The following CSMD1 variants were observed in gnomAD, a reference collection of about 807,000 sequenced individuals.
The protein encoded by CSMD1 is CUB and sushi domain-containing protein 1.
CSMD1 carries 213 observed loss-of-function variants against 417.5 expected under a neutral mutation model. That is an observed-to-expected ratio of 0.51 (90% CI 0.46 to 0.57). CSMD1 has a LOEUF of 0.57. Ranked by LOEUF, CSMD1 falls within the 20% of genes least tolerant of loss-of-function variation. CSMD1 has a pLI of 0.00. For synonymous variants in CSMD1, 2,862 were observed against 1,736.8 expected, an observed-to-expected ratio of 1.65 and a Z score of -16.11; for missense variants, 6,923 against 4,529.7, an observed-to-expected ratio of 1.53 and a Z score of -15.17.
intron 2 of CSMD1, among the ~76,000 whole-genome samples, chr8:4,549,931 G>C (rs1237002238): frequency 4.3e-5 from 5 of 115,582 alleles, no homozygotes; most frequent in African/African-American, 1.6e-4. Context: ...GAAAAGAAAA[G>C]ACATTACTTA....
chr8:4,338,684 A>G (rs1800309572), intron 3 of CSMD1, among the ~76,000 whole-genome samples: 1 of 152,114 alleles, frequency 6.6e-6, no homozygotes, highest in Admixed American at 6.6e-5. Flanking sequence ...AGAAGCCACA[A>G]TTCCATAGTT....
At position 3,376,901 on chromosome 8, in the gene CSMD1, T is replaced by G. The variant is rs569691809; in HGVS notation, c.2783-7531A>C. Among the ~76,000 whole-genome samples the G allele has an allele frequency of 2.6e-5, 4 of 152,284 alleles. No individual in the cohort carries two copies. In the East Asian group the frequency reaches 5.8e-4, roughly 22 times the overall value. On this transcript the variant is annotated intron_variant, in intron 18 of 69. Coordinates refer to ENST00000635120, the MANE Select transcript of CSMD1 (RefSeq NM_033225.6). Reference sequence around the variant, plus strand: ...TGGGGTTTAAGAGATTGCTTAAGATTTGAAGGGTAATGAGAACAAGCCTTA... The same window carrying G: ...TGGGGTTTAAGAGATTGCTTAAGATGTGAAGGGTAATGAGAACAAGCCTTA...
chr8:4,115,347 T>C (rs1359790181), intron 3 of CSMD1, among the ~76,000 whole-genome samples: 1 of 152,242 alleles, frequency 6.6e-6, no homozygotes, highest in Non-Finnish European at 1.5e-5. Flanking sequence ...GACATAATAC[T>C]GTTGCATAAA....
At chr8:3,209,571 G>A (rs192571501) in intron 30 of CSMD1, among the ~76,000 whole-genome samples, 53 of 152,032 alleles carry the variant, frequency 3.5e-4, no homozygotes, top group Middle Eastern at 3.4e-3. Flanking sequence ...CGCCTGCCTC[G>A]GCCTCCCAAA....
intron 5 of CSMD1, among the ~76,000 whole-genome samples, chr8:3,781,468 G>C (rs1799177178): frequency 6.6e-6 from 1 of 150,994 alleles, no homozygotes; most frequent in Non-Finnish European, 1.5e-5. Flanking sequence ...GGTTAAGGGA[G>C]CTGCTGATAG....
At chr8:3,566,659 TAAG>T (rs1255556518) in intron 10 of CSMD1, among the ~76,000 whole-genome samples, 2 of 152,048 alleles carry the variant, frequency 1.3e-5, no homozygotes, top group African/African-American at 4.8e-5. Context: ...TACATTCAGC[TAAG>T]AAGCATATTA....
At chr8:4,400,924 T>A (rs1804603327) in intron 3 of CSMD1, among the ~76,000 whole-genome samples, 3 of 150,542 alleles carry the variant, frequency 2.0e-5, no homozygotes, top group Admixed American at 6.6e-5. Flanking sequence ...CTCAGTACAA[T>A]ACCAACTTCA....
intron 2 of CSMD1, among the ~76,000 whole-genome samples, chr8:4,606,251 A>G (rs182548079): frequency 6.6e-6 from 1 of 152,318 alleles, no homozygotes; most frequent in East Asian, 1.9e-4. Context: ...TCAGTTAGAA[A>G]TAAAACCTAA....
intron 5 of CSMD1, among the ~76,000 whole-genome samples, chr8:3,783,214 G>C (rs556315639): frequency 6.6e-6 from 1 of 152,244 alleles, no homozygotes; most frequent in African/African-American, 2.4e-5. Flanking sequence ...CTTGTTCCTG[G>C]ATAGCAGTGC....
At position 3,412,031 on chromosome 8, in the gene CSMD1, TATACACATATATAC is replaced by T. The variant is rs1272070532; in HGVS notation, c.1562-2440_1562-2427del. On this transcript the variant is annotated intron_variant, in intron 12 of 69. Transcript: ENST00000635120. ...ATATATATACATATACACACGTATA[TATACACATATATAC>T]ACGTATATATACACACGTATATATA... is the stretch of plus-strand genomic sequence containing the variant. Among the ~76,000 whole-genome samples, 197 of 69,220 alleles carry T rather than the reference TATACACATATATAC, an allele frequency of 2.8e-3. 46 individuals carry two copies. The highest frequency in any genetic ancestry group is 8.6e-3 in the South Asian group (18 of 2,094). 45.4% of individuals were successfully genotyped at this position (69,220 alleles called of 152,430 possible).
chr8:4,090,977 G>A (rs575968567), intron 3 of CSMD1, among the ~76,000 whole-genome samples: 75 of 151,204 alleles, frequency 5.0e-4, no homozygotes, highest in African/African-American at 1.4e-3. Context: ...GGAGTGCAGC[G>A]GTGCAATCCT....
intron 2 of CSMD1, among the ~76,000 whole-genome samples, chr8:4,482,469 C>T (rs969360866): frequency 3.9e-5 from 6 of 152,124 alleles, no homozygotes; most frequent in Non-Finnish European, 8.8e-5. Flanking sequence ...TGTGTATGTA[C>T]CATATTTTCT....
chr8:3,435,513 G>C (rs80245002), intron 12 of CSMD1, among the ~76,000 whole-genome samples: 7,739 of 151,980 alleles, frequency 0.051, 257 homozygotes, highest in East Asian at 0.16. Flanking sequence ...AGCCCACTCT[G>C]TCCACCTCTC....
chr8:4,036,415 A>G (rs1346408122), intron 3 of CSMD1, among the ~76,000 whole-genome samples: 1 of 152,236 alleles, frequency 6.6e-6, no homozygotes, highest in African/African-American at 2.4e-5. Context: ...TGACTTACAT[A>G]TTTCTGAAGG....
rs148726556 is a variant in CSMD1, at chr8:4,020,211, C to A, written c.610+11694G>T. On this transcript the variant is annotated intron_variant, in intron 4 of 69. Coordinates refer to ENST00000635120, the MANE Select transcript of CSMD1 (RefSeq NM_033225.6). ...TTTTATACACATAAAAATCTTGAGGCCAGACAGATTAAATAAATTGACCAA... is the reference window on the plus strand; with the variant it reads ...TTTTATACACATAAAAATCTTGAGGACAGACAGATTAAATAAATTGACCAA... 1.8e-3 allele frequency among the ~76,000 whole-genome samples: 274 copies of A among 152,218 alleles called. 2 individuals are homozygous for A. The highest frequency in any genetic ancestry group is 6.0e-3 in the African/African-American group (250 of 41,528).
rs114911293 is a variant in CSMD1 at position 3,917,266 on chromosome 8, G to C, written c.818+80637C>G. Among the ~76,000 whole-genome samples the C allele has an allele frequency of 3.3e-3, 500 of 152,242 alleles. 2 individuals are homozygous for C. The highest frequency in any genetic ancestry group is 0.011 in the African/African-American group (466 of 41,538). ...CCCTATGAGATGCTGTTGAATGCAT[G>C]AACGAACTGAAGTTCCTGAAATTAG... On this transcript the variant is annotated intron_variant, in intron 5 of 69. Transcript: ENST00000635120.
At chr8:4,785,324 G>A (rs900318286) in intron 1 of CSMD1, among the ~76,000 whole-genome samples, 1 of 152,140 alleles carries the variant, frequency 6.6e-6, no homozygotes, top group Non-Finnish European at 1.5e-5. Context: ...AAGCATTGGT[G>A]GAAGACTTTG....
At chr8:4,380,707 TGTGG>T (rs1563113686) in intron 3 of CSMD1, among the ~76,000 whole-genome samples, 1 of 152,192 alleles carries the variant, frequency 6.6e-6, no homozygotes, top group Non-Finnish European at 1.5e-5. Flanking sequence ...AACAGAGGAT[TGTGG>T]ATGTTGTATC....
intron 3 of CSMD1, among the ~76,000 whole-genome samples, chr8:4,147,920 C>A (rs149931454): frequency 4.6e-5 from 7 of 152,238 alleles, no homozygotes; most frequent in East Asian, 1.9e-4. Context: ...GAGGCTCCTG[C>A]AGCACAAACT....
Sources: gnomAD v4.1 joint callset for allele counts (sites outside exome capture counted in the v4.1 genomes callset) on GRCh38, gnomAD v4.1.1 for gene constraint, MANE v1.5 for transcripts, NCBI Gene and HGNC (gene_info 2026-07-23, HGNC 2026-07-21) for gene names.